The following DIP2A variants were observed in gnomAD, a reference collection of about 807,000 sequenced individuals.
DIP2A encodes DIP2 acetate--CoA ligase A, also known as disco-interacting protein 2 homolog A.
In DIP2A, 85 loss-of-function variants were observed where a neutral mutation model predicts 177.4. The observed-to-expected ratio is 0.48, with a 90% CI of 0.40 to 0.57. The LOEUF (loss-of-function observed/expected upper bound fraction) is 0.57, where lower values mean the gene tolerates loss of function less well. Among genes scored for constraint, DIP2A ranks in the 20% least tolerant of loss-of-function variants. DIP2A has a pLI of 0.00. For synonymous variants in DIP2A, 886 were observed against 881.8 expected, an observed-to-expected ratio of 1.00 and a Z score of -0.08; for missense variants, 1,791 against 2,100.2, an observed-to-expected ratio of 0.85 and a Z score of 2.88.
chr21:46,520,332 G>C (rs1483058228), intron 8 of DIP2A, among the ~76,000 whole-genome samples: 2 of 152,182 alleles, frequency 1.3e-5, no homozygotes, highest in African/African-American at 4.8e-5. Context: ...AGTTACTTCT[G>C]TTTTCTACTG....
At position 46,557,377 on chromosome 21, in the gene DIP2A, T is replaced by C. The variant is rs1227219971; in HGVS notation, c.3630-208T>C. The C allele has an allele frequency of 1.5e-6, 1 of 673,264 alleles. No homozygotes were observed. The highest frequency in any genetic ancestry group is 2.5e-6 in the Non-Finnish European group (1 of 407,918). The allele number at this position is 673,264 out of a possible 1,614,324, so 41.7% of individuals were successfully genotyped here. A position where few individuals can be genotyped will look rare whatever the true frequency, so the allele number is the denominator to read the frequency against. ...GTGGTGTCCCCGGATCCTCTCCAAG[T>C]GTTCGGAGCAGAGCTCAGAACCCCG... On this transcript the variant is annotated intron_variant, in intron 30 of 37. Coordinates refer to ENST00000417564, the MANE Select transcript of DIP2A (RefSeq NM_015151.4). This position sits in a 1 kb window ranked among gnomAD's most constrained non-coding sequence, Gnocchi z 6.0.
chr21:46,559,595 G>T (rs1207531141), intron 32 of DIP2A, among the ~76,000 whole-genome samples: 2 of 152,242 alleles, frequency 1.3e-5, no homozygotes, highest in African/African-American at 4.8e-5. Context: ...GCCGGCCTTT[G>T]TGTTAGCGGC....
At chr21:46,535,433 G>A (rs1428583207) in intron 13 of DIP2A, among the ~76,000 whole-genome samples, 1 of 152,094 alleles carries the variant, frequency 6.6e-6, no homozygotes, top group East Asian at 1.9e-4. Context: ...AAATATAGGT[G>A]TTCAGGCCAG....
At chr21:46,506,722 GT>G (rs76152752) in intron 6 of DIP2A, among the ~76,000 whole-genome samples, 11,589 of 36,988 alleles carry the variant, frequency 0.31, 1,160 homozygotes, top group African/African-American at 0.38. Flanking sequence ...AATTGTGCTT[GT>G]TTTTCTTTCT....
At chr21:46,528,444 G>A (rs571464902) in intron 8 of DIP2A, among the ~76,000 whole-genome samples, 21 of 140,176 alleles carry the variant, frequency 1.5e-4, no homozygotes, top group South Asian at 9.4e-4. Flanking sequence ...GCATGTATAC[G>A]TGTTTATATG....
intron 28 of DIP2A, 154 bp from the exon 29 acceptor site, chr21:46,555,828 C>T: frequency 1.5e-6 from 1 of 682,894 alleles, no homozygotes; most frequent in Non-Finnish European, 2.7e-6. Context: ...CCTGAGCACG[C>T]ACAGCCTGCA....
downstream of DIP2A, among the ~76,000 whole-genome samples, chr21:46,574,141 A>G (rs1369080892): frequency 4.6e-5 from 7 of 152,236 alleles, no homozygotes; most frequent in Admixed American, 3.9e-4. Context: ...AAAAATATAC[A>G]AAGTCTCTCC....
rs908636348 is a variant in DIP2A at position 46,563,554 on chromosome 21, A to G, written c.4090-304A>G. 8.5e-6 allele frequency: 3 copies of G among 354,176 alleles called. No homozygotes were observed. The highest frequency in any genetic ancestry group is 6.1e-5 in the East Asian group (1 of 16,376). The allele number at this position is 354,176 out of a possible 1,614,324, so 21.9% of individuals were successfully genotyped here. A position where few individuals can be genotyped will look rare whatever the true frequency, so the allele number is the denominator to read the frequency against. ...TCACTGCACCCCTGGATGGATGCCCATCAGGTGCGCTGGCATCACCTGGCT... is the reference window on the plus strand; with the variant it reads ...TCACTGCACCCCTGGATGGATGCCCGTCAGGTGCGCTGGCATCACCTGGCT... On this transcript the variant is annotated intron_variant, in intron 34 of 37. Coordinates refer to ENST00000417564, the MANE Select transcript of DIP2A (RefSeq NM_015151.4). The surrounding 1 kb of genome is among the most constrained non-coding windows in gnomAD (Gnocchi z 4.3).
chr21:46,568,963 A>G lies in DIP2A; in HGVS notation c.*1341A>G, dbSNP rs537238406. The G allele has an allele frequency of 6.6e-6, 1 of 152,290 alleles. No homozygotes were observed. Among genetic ancestry groups the G allele is most frequent in the African/African-American group, 2.4e-5 (1 of 41,550 alleles). The allele number at this position is 152,290 out of a possible 1,614,324, so 9.4% of individuals were successfully genotyped here. On this transcript the variant is annotated 3_prime_UTR_variant, in exon 38 of 38. Transcript: ENST00000417564. ...CAAACCATTTTATTATTTTGTTCAA[A>G]CTTGACTAAGCTGAGTGATCTAAAA...
intron 6 of DIP2A, among the ~76,000 whole-genome samples, chr21:46,507,726 A>G (rs1245669914): frequency 9.6e-6 from 1 of 103,774 alleles, no homozygotes; most frequent in Non-Finnish European, 1.8e-5. Context: ...TTTAAGACAA[A>G]GTCTTGCTCT....
At position 46,548,859 on chromosome 21, in the gene DIP2A, A is replaced by G. The variant is rs570353014; in HGVS notation, c.2523-912A>G. Among the ~76,000 whole-genome samples, 3 of 152,362 alleles carry G rather than the reference A, an allele frequency of 2.0e-5. No individual in the cohort carries two copies. In the South Asian group the frequency reaches 6.2e-4, roughly 32 times the overall value. On this transcript the variant is annotated intron_variant, in intron 21 of 37. Transcript: ENST00000417564. ...CTTATCTGTATTCTCACCATGGACC[A>G]CACAAAAGCCAAGCAAAACACATCA...
At chr21:46,512,732 G>A (rs1203889861) in intron 8 of DIP2A, among the ~76,000 whole-genome samples, 4 of 151,170 alleles carry the variant, frequency 2.6e-5, no homozygotes, top group African/African-American at 7.3e-5. Context: ...TCCTGGGCTC[G>A]AGATGCTCCT....
chr21:46,546,118 G>A, intron 20 of DIP2A, 157 bp downstream of exon 20: 3 of 1,481,820 alleles, frequency 2.0e-6, no homozygotes, highest in Non-Finnish European at 2.7e-6. Context: ...CACCCTACCT[G>A]TGTGCAGGGC....
In DIP2A at chr21:46,556,127, A is replaced by G. The variant is rs755602845; in HGVS notation, c.3498+36A>G. 8 of 1,564,918 alleles carry G rather than the reference A, an allele frequency of 5.1e-6. No individual in the cohort carries two copies. The highest frequency in any genetic ancestry group is 4.4e-5 in the South Asian group (4 of 89,938). On this transcript the variant is annotated intron_variant, in intron 29 of 37. Transcript: ENST00000417564. This position sits in a 1 kb window ranked among gnomAD's most constrained non-coding sequence, Gnocchi z 4.5. Reference sequence around the variant, plus strand: ...TGAAATCTTGTTTGCTTCAGCCCCTAGAAATCAGGAGGAGTGGACAGAAAG... The same window carrying G: ...TGAAATCTTGTTTGCTTCAGCCCCTGGAAATCAGGAGGAGTGGACAGAAAG...
At chr21:46,534,536 G>A (rs981975258) in intron 12 of DIP2A, 49 bp from the exon 13 acceptor site, 3 of 1,542,790 alleles carry the variant, frequency 1.9e-6, no homozygotes, top group Middle Eastern at 1.7e-4. Flanking sequence ...TCTGTCTGTT[G>A]TCACCTCTAG....
At position 46,504,180 on chromosome 21, in the gene DIP2A, G is replaced by C. The variant is rs902784923; in HGVS notation, c.656-181G>C. 17 of 756,064 alleles carry C rather than the reference G, an allele frequency of 2.2e-5. No homozygotes were observed. In the African/African-American group the frequency reaches 2.6e-4, roughly 12 times the overall value. The allele number at this position is 756,064 out of a possible 1,614,324, so 46.8% of individuals were successfully genotyped here. On this transcript the variant is annotated intron_variant, in intron 5 of 37. Transcript: ENST00000417564. ...ACGCAGATGTCTGCATAACGTGTCT[G>C]GGAGTTCATAGGGTCCCAGTATGCC...
rs922930845 is a variant in DIP2A at position 46,550,814 on chromosome 21, G to A, written c.2839+70G>A. 255 of 1,518,504 alleles carry A rather than the reference G, an allele frequency of 1.7e-4. No homozygotes were observed. The African/African-American group carries it at 1.9e-3, about 11-fold the overall frequency. 94.1% of individuals were successfully genotyped at this position (1,518,504 alleles called of 1,614,324 possible). ...TAACAGCGGTGCTTGTGGTTAGGGT[G>A]CGGCCCTGCTAGACCTCCAGTGCCA... On this transcript the variant is annotated intron_variant, in intron 23 of 37. Coordinates refer to ENST00000417564, the MANE Select transcript of DIP2A (RefSeq NM_015151.4).
chr21:46,510,535 G>A (rs895151894), intron 7 of DIP2A, among the ~76,000 whole-genome samples: 14 of 151,742 alleles, frequency 9.2e-5, no homozygotes, highest in African/African-American at 3.4e-4. Flanking sequence ...GGCAAATTTT[G>A]GTTATACAGC....
At chr21:46,516,089 T>C (rs2058561138) in intron 8 of DIP2A, among the ~76,000 whole-genome samples, 1 of 152,168 alleles carries the variant, frequency 6.6e-6, no homozygotes, top group South Asian at 2.1e-4. Flanking sequence ...TGCCAGACCA[T>C]TGTTGCTCTA....
Sources: gnomAD v4.1 joint callset for allele counts (sites outside exome capture counted in the v4.1 genomes callset) on GRCh38, gnomAD v4.1.1 for gene constraint, Gnocchi (gnomAD v3.1) non-coding constraint, MANE v1.5 for transcripts, NCBI Gene and HGNC (gene_info 2026-07-23, HGNC 2026-07-21) for gene names.